Variants in NLK observed in about 807,000 individuals in gnomAD.
NLK encodes nemo like kinase, also known as serine/threonine-protein kinase NLK.
In NLK, 11 loss-of-function variants were observed where a neutral mutation model predicts 59.0. The observed-to-expected ratio is 0.19, with a 90% CI of 0.12 to 0.31. NLK has a LOEUF of 0.31. Among genes scored for constraint, NLK ranks in the 10% least tolerant of loss-of-function variants. The pLI, the probability that NLK is intolerant of heterozygous loss-of-function variation, is 1.00. For missense variants in NLK, 410 were observed against 661.1 expected, an observed-to-expected ratio of 0.62 and a Z score of 4.16; for synonymous variants, 235 against 235.9, an observed-to-expected ratio of 1.00 and a Z score of 0.03.
At chr17:28,097,147 C>G (rs1405361119) in intron 1 of NLK, among the ~76,000 whole-genome samples, 1 of 152,028 alleles carries the variant, frequency 6.6e-6, no homozygotes, top group Non-Finnish European at 1.5e-5. Context: ...AATGAGACAC[C>G]AAGGTACAAG....
intron 1 of NLK, among the ~76,000 whole-genome samples, chr17:28,055,393 A>G (rs1909406282): frequency 1.4e-5 from 2 of 144,894 alleles, no homozygotes; most frequent in South Asian, 4.3e-4. Context: ...GCCAGGTTGG[A>G]TTTTTTTTTT....
chr17:28,111,903 GTGTGTGTGTGTGTGTGT>G (rs1905530108), intron 1 of NLK, among the ~76,000 whole-genome samples: 5 of 89,398 alleles, frequency 5.6e-5, no homozygotes, highest in South Asian at 6.5e-4. Flanking sequence ...TGTGGTGTGT[GTGTGTGTGTGTGTGTGT>G]GTGTGTGTGT....
At chr17:28,166,646 G>A (rs547840369) in intron 5 of NLK, among the ~76,000 whole-genome samples, 1 of 152,260 alleles carries the variant, frequency 6.6e-6, no homozygotes, top group South Asian at 2.1e-4. Context: ...CTCATCCTCA[G>A]TGCTCCTAGT....
intron 5 of NLK, among the ~76,000 whole-genome samples, chr17:28,167,351 C>T (rs1043746641): frequency 6.6e-6 from 1 of 151,944 alleles, no homozygotes; most frequent in Non-Finnish European, 1.5e-5. Context: ...GTCCTCCCAC[C>T]TCAGCCTCCA....
At chr17:28,124,063 G>T (rs1906190079) in intron 2 of NLK, among the ~76,000 whole-genome samples, 1 of 152,088 alleles carries the variant, frequency 6.6e-6, no homozygotes, top group African/African-American at 2.4e-5. Flanking sequence ...GTTAAAACTG[G>T]GAGTACTAAA....
chr17:28,136,899 C>G (rs1160089623), intron 3 of NLK, among the ~76,000 whole-genome samples: 1 of 148,328 alleles, frequency 6.7e-6, no homozygotes, highest in Non-Finnish European at 1.5e-5. Flanking sequence ...GCCACTGTGC[C>G]TGGCCATGTG....
rs759282856 is a variant in NLK, at chr17:28,042,926, G to A, written c.53G>A (p.Gly18Asp). 1 of 1,546,458 alleles carries A rather than the reference G, an allele frequency of 6.5e-7. No individual in the cohort carries two copies. Among genetic ancestry groups the A allele is most frequent in the Non-Finnish European group, 8.7e-7 (1 of 1,144,206 alleles). The part of the protein sequence containing the change: ...ANAKMMAAYN[G>D]GTSAAAAGHH... ...GCAAAAATGATGGCGGCTTACAATG[G>A]CGGTACATCTGCAGCAGCAGCAGGT... The change falls in exon 1 of 11, where the codon GGC becomes GAC. Residue 18 changes from glycine to aspartate, a missense_variant. This residue lies in a region of NLK where 160 missense variants were observed against 171.0 expected (regional missense o/e 0.94). Coordinates refer to ENST00000407008, the MANE Select transcript of NLK (RefSeq NM_016231.5).
At chr17:28,164,066 CAT>C (rs1325398695) in intron 5 of NLK, among the ~76,000 whole-genome samples, 1 of 152,110 alleles carries the variant, frequency 6.6e-6, no homozygotes, top group African/African-American at 2.4e-5. Context: ...GAAGTAGAAA[CAT>C]ATTTAAAAGG....
rs1909287782 is a variant in NLK, at chr17:28,191,013, G to T, written c.1237-8G>T. 2 of 1,578,096 alleles carry T rather than the reference G, an allele frequency of 1.3e-6. No homozygotes were observed. The highest frequency in any genetic ancestry group is 1.2e-5 in the South Asian group (1 of 84,294). On this transcript the variant is annotated splice_polypyrimidine_tract_variant and splice_region_variant and intron_variant, in intron 8 of 10. Transcript: ENST00000407008. ...GTGTTGATGTGCTGGTCTCTAATTT[G>T]ATTTCAGTCCAAAAGAATATCCGCT...
chr17:28,055,945 T>G (rs1295646333), intron 1 of NLK, among the ~76,000 whole-genome samples: 1 of 152,156 alleles, frequency 6.6e-6, no homozygotes, highest in Non-Finnish European at 1.5e-5. Context: ...AAAAGGAAGG[T>G]TTTTTTCTTT....
chr17:28,070,194 C>T (rs1045991052), intron 1 of NLK, among the ~76,000 whole-genome samples: 19 of 151,624 alleles, frequency 1.3e-4, no homozygotes, highest in African/African-American at 4.4e-4. Flanking sequence ...CAAGATCGCA[C>T]CACCGCGCTC....
intron 2 of NLK, among the ~76,000 whole-genome samples, chr17:28,123,399 C>T (rs1463058890): frequency 2.6e-5 from 4 of 151,986 alleles, no homozygotes; most frequent in African/African-American, 9.7e-5. Context: ...CAAATTAGAC[C>T]CTTTTTGTGA....
downstream of NLK, among the ~76,000 whole-genome samples, chr17:28,199,319 C>G (rs571680453): frequency 2.0e-5 from 3 of 152,082 alleles, no homozygotes; most frequent in Non-Finnish European, 2.9e-5. Context: ...AATTAGACAC[C>G]AGGCACAGTG....
the NLK span, among the ~76,000 whole-genome samples, chr17:28,204,912 T>C: frequency 6.6e-6 from 1 of 152,242 alleles, no homozygotes; most frequent in African/African-American, 2.4e-5. Context: ...CAGCCCTTTA[T>C]GAAGAATTCC....
rs574375080 is a variant in NLK, at chr17:28,185,409, G to A, written c.1236+144G>A. ...CAATCCCCAGTATCATGTGTATCAT[G>A]CACGCTCATCACACAGAAGTTTGAT... is the stretch of plus-strand genomic sequence containing the variant. On this transcript the variant is annotated intron_variant, in intron 8 of 10. Coordinates refer to ENST00000407008, the MANE Select transcript of NLK (RefSeq NM_016231.5). The A allele has an allele frequency of 5.4e-5, 29 of 541,618 alleles. No individual in the cohort carries two copies. The East Asian group carries it at 8.5e-4, about 16-fold the overall frequency. 33.6% of individuals were successfully genotyped at this position (541,618 alleles called of 1,614,324 possible). A position where few individuals can be genotyped will look rare whatever the true frequency, so the allele number is the denominator to read the frequency against.
At chr17:28,162,362 G>T (rs1001934713) in intron 4 of NLK, among the ~76,000 whole-genome samples, 6 of 152,146 alleles carry the variant, frequency 3.9e-5, no homozygotes, top group Admixed American at 3.9e-4. Flanking sequence ...GCCAGGCATG[G>T]TGATTCATGC....
chr17:28,153,867 A>G (rs1907589209), intron 3 of NLK, among the ~76,000 whole-genome samples: 1 of 152,182 alleles, frequency 6.6e-6, no homozygotes, highest in Non-Finnish European at 1.5e-5. Context: ...CTAGCGGGTT[A>G]ACATCCTTAA....
intron 2 of NLK, among the ~76,000 whole-genome samples, chr17:28,129,596 T>C (rs1324631910): frequency 1.3e-5 from 2 of 152,138 alleles, no homozygotes; most frequent in Non-Finnish European, 2.9e-5. Flanking sequence ...AAAATAATAA[T>C]GATATAGTCT....
intron 1 of NLK, among the ~76,000 whole-genome samples, chr17:28,107,263 C>G (rs1380815524): frequency 6.6e-6 from 1 of 151,832 alleles, no homozygotes. Flanking sequence ...ATGAGACCCC[C>G]GTCTCTACTA....
Sources: gnomAD v4.1 joint callset for allele counts (sites outside exome capture counted in the v4.1 genomes callset) on GRCh38, gnomAD v4.1.1 for gene constraint, gnomAD v4.1.1 regional missense constraint, MANE v1.5 for transcripts, NCBI Gene and HGNC (gene_info 2026-07-23, HGNC 2026-07-21) for gene names.